The following MIGA2 variants were observed in gnomAD, a reference collection of about 807,000 sequenced individuals.
MIGA2 encodes mitoguardin 2.
In MIGA2, 36 loss-of-function variants were observed where a neutral mutation model predicts 69.9. That is an observed-to-expected ratio of 0.52 (90% CI 0.39 to 0.68). MIGA2 has a LOEUF of 0.68. Ranked by LOEUF, MIGA2 falls within the 30% of genes least tolerant of loss-of-function variation. The pLI is 0.00. For missense variants in MIGA2, 660 were observed against 787.7 expected, an observed-to-expected ratio of 0.84 and a Z score of 1.94; for synonymous variants, 333 against 349.2, an observed-to-expected ratio of 0.95 and a Z score of 0.52.
rs771485032 is a variant in MIGA2, at chr9:129,059,321, G to T, written c.793+50G>T. 1.2e-5 allele frequency: 17 copies of T among 1,419,228 alleles called. No individual in the cohort carries two copies. 87.9% of individuals were successfully genotyped at this position (1,419,228 alleles called of 1,614,324 possible). On this transcript the variant is annotated intron_variant, in intron 7 of 15. Coordinates refer to ENST00000684074, the MANE Select transcript of MIGA2 (RefSeq NM_001329990.2). The surrounding 1 kb of genome is among the most constrained non-coding windows in gnomAD (Gnocchi z 5.6). ...GGTGGGCGTGGAGGGTGGCAGGGAT[G>T]GAGGTGAGGAGAAGTTGCGAGAACC... is the stretch of plus-strand genomic sequence containing the variant.
intron 6 of MIGA2, among the ~76,000 whole-genome samples, chr9:129,054,374 C>G (rs990601842): frequency 2.6e-5 from 4 of 152,100 alleles, no homozygotes; most frequent in Admixed American, 2.6e-4. Flanking sequence ...AGTAGGATCC[C>G]TTGAGCCCAG....
chr9:129,047,603 G>T (rs1190001877), intron 3 of MIGA2, among the ~76,000 whole-genome samples: 1 of 151,588 alleles, frequency 6.6e-6, no homozygotes, highest in Non-Finnish European at 1.5e-5. Flanking sequence ...ATTATAGATG[G>T]GGTTTTACCT....
intron 9 of MIGA2, 23 bp from the exon 10 acceptor site, chr9:129,063,221 G>A (rs753877434): frequency 1.2e-6 from 2 of 1,613,688 alleles, no homozygotes; most frequent in Admixed American, 1.7e-5. Context: ...CAGGTTGTGT[G>A]ACGCCGTCTG....
chr9:129,039,175 TTGTGTGTGTGTGTGTGTGTGTGTGTGTG>T (rs61426484), intron 1 of MIGA2, among the ~76,000 whole-genome samples: 3 of 139,904 alleles, frequency 2.1e-5, no homozygotes, highest in African/African-American at 7.9e-5. Flanking sequence ...AGCTCTTTGT[TTGTGTGTGTGTGTGTGTGTGTGTGTGTG>T]TGTGTGTGTG....
At chr9:129,050,161 G>A (rs538740640) in intron 6 of MIGA2, among the ~76,000 whole-genome samples, 198 bp downstream of exon 6, 2 of 152,338 alleles carry the variant, frequency 1.3e-5, no homozygotes, top group Non-Finnish European at 2.9e-5. Context: ...AAAAACAGCC[G>A]TACTGAGACT....
In MIGA2 at chr9:129,048,497, T is replaced by G; in HGVS notation, c.378T>G (p.Ile126Met). The G allele has an allele frequency of 6.2e-7, 1 of 1,614,000 alleles. No individual in the cohort carries two copies. Among genetic ancestry groups the G allele is most frequent in the Non-Finnish European group, 8.5e-7 (1 of 1,179,920 alleles). The stretch of plus-strand genomic sequence containing the variant: ...ACACCCTGAGTGGCATCTCTTCCAT[T>G]GAGCCCAGCAAGCACTCGGGCTCCT... ...SNDTLSGISSIEPSKHSGSSH... is the reference protein window; with the variant it reads ...SNDTLSGISSMEPSKHSGSSH... The change falls in exon 4 of 16, where the codon ATT becomes ATG. Residue 126 changes from isoleucine (I) to methionine (M), a missense_variant. Around this residue, in one of 3 missense-constraint regions of MIGA2, gnomAD observed 386 missense variants for 402.0 expected, o/e 0.96. Coordinates refer to ENST00000684074, the MANE Select transcript of MIGA2 (RefSeq NM_001329990.2).
At position 129,068,389 on chromosome 9, in the gene MIGA2, C is replaced by T; in HGVS notation, c.1404+57C>T. On this transcript the variant is annotated intron_variant, in intron 13 of 15. Coordinates refer to ENST00000684074, the MANE Select transcript of MIGA2 (RefSeq NM_001329990.2). The surrounding 1 kb of genome is among the most constrained non-coding windows in gnomAD (Gnocchi z 4.1). ...TTGCTCACATCAGCCCGTGTGGTTGCCTGGCTCCGTCCCCTCTGTCCCTAG... is the reference window on the plus strand; with the variant it reads ...TTGCTCACATCAGCCCGTGTGGTTGTCTGGCTCCGTCCCCTCTGTCCCTAG... 6.3e-7 allele frequency: 1 copy of T among 1,592,268 alleles called. No homozygotes were observed. Among genetic ancestry groups the T allele is most frequent in the Non-Finnish European group, 8.5e-7 (1 of 1,176,508 alleles).
intron 11 of MIGA2, among the ~76,000 whole-genome samples, chr9:129,065,851 G>A (rs1472913016): frequency 2.6e-5 from 4 of 152,140 alleles, no homozygotes; most frequent in Non-Finnish European, 4.4e-5. Context: ...AGGCCCGAGA[G>A]AACCCTTGGG....
rs532296060 is a variant in MIGA2, at chr9:129,061,427, C to T, written c.1010+81C>T. On this transcript the variant is annotated intron_variant, in intron 9 of 15. Transcript: ENST00000684074. This position sits in a 1 kb window ranked among gnomAD's most constrained non-coding sequence, Gnocchi z 5.0. ...CCCTTGCGGGAGGCGGAGAAGCCAG[C>T]GGTGCTTGGCGAGGACTTAGCCTGA... The T allele has an allele frequency of 2.7e-4, 343 of 1,289,008 alleles. 1 individual carries two copies. The highest frequency in any genetic ancestry group is 3.5e-4 in the Non-Finnish European group (328 of 929,062). The allele number at this position is 1,289,008 out of a possible 1,614,324, so 79.8% of individuals were successfully genotyped here. A position where few individuals can be genotyped will look rare whatever the true frequency, so the allele number is the denominator to read the frequency against.
At position 129,063,647 on chromosome 9, in the gene MIGA2, G is replaced by A. The variant is rs767828586; in HGVS notation, c.1170+16G>A. On this transcript the variant is annotated intron_variant, in intron 11 of 15. Coordinates refer to ENST00000684074, the MANE Select transcript of MIGA2 (RefSeq NM_001329990.2). ...GGCTGAGAAGGTAGCAGGGGGTGGGGTGGGGGGGCAAATTATAAAATGCAA... is the reference window on the plus strand; with the variant it reads ...GGCTGAGAAGGTAGCAGGGGGTGGGATGGGGGGGCAAATTATAAAATGCAA... 1.9e-6 allele frequency: 3 copies of A among 1,539,310 alleles called. No individual in the cohort carries two copies. The highest frequency in any genetic ancestry group is 1.1e-5 in the South Asian group (1 of 89,436).
rs573770984 is a variant in MIGA2 at position 129,048,521 on chromosome 9, C to T, written c.402C>T (p.Ser134=). 2.6e-5 allele frequency: 42 copies of T among 1,613,966 alleles called. 2 individuals carry two copies. In the Middle Eastern group the frequency reaches 1.3e-3, roughly 51 times the overall value. Reference sequence around the variant, plus strand: ...TTGAGCCCAGCAAGCACTCGGGCTCCTCCCACAGTGTGGCCTCGGTGAGCA... The same window carrying T: ...TTGAGCCCAGCAAGCACTCGGGCTCTTCCCACAGTGTGGCCTCGGTGAGCA... ...SSIEPSKHSG[S]SHSVASMMAV... Residue 134 remains serine (S), a synonymous_variant, in exon 4 of 16, where the codon TCC becomes TCT. Coordinates refer to ENST00000684074, the MANE Select transcript of MIGA2 (RefSeq NM_001329990.2).
chr9:129,054,703 G>A (rs1003574557), intron 6 of MIGA2, among the ~76,000 whole-genome samples: 4 of 152,184 alleles, frequency 2.6e-5, no homozygotes, highest in African/African-American at 9.6e-5. Flanking sequence ...TTTTGTTTCT[G>A]TTGTATAGAT....
Position 129,067,856 on chromosome 9 carries a change from G to A in MIGA2, c.1254G>A (p.Glu418=), listed in dbSNP as rs769623185. 2.5e-6 allele frequency: 4 copies of A among 1,612,356 alleles called. No homozygotes were observed. The highest frequency in any genetic ancestry group is 3.4e-6 in the Non-Finnish European group (4 of 1,179,604). ...RPETWATTRL[E]LEGRGVVCMS... is the part of the protein sequence containing the mutation. ...AGACCTGGGCCACAACACGGCTGGA[G>A]CTGGAGGGCCGAGGGGTGAGTTGCT... The change falls in exon 12 of 16, where the codon GAG becomes GAA. Residue 418 remains glutamate, a synonymous_variant. Coordinates refer to ENST00000684074, the MANE Select transcript of MIGA2 (RefSeq NM_001329990.2).
rs1286865413 is a variant in MIGA2, at chr9:129,049,941, C to T, written c.653C>T (p.Thr218Ile). The change falls in exon 6 of 16, where the codon ACT becomes ATT. Residue 218 changes from threonine to isoleucine, a missense_variant. Coordinates refer to ENST00000684074, the MANE Select transcript of MIGA2 (RefSeq NM_001329990.2). ...MPRDGLRNPE[T>I]ASEPLSEPES... Reference sequence around the variant, plus strand: ...AGGGACGGCCTCCGGAACCCAGAGACTGCATCAGAGCCACTGTCTGAGGTA... The same window carrying T: ...AGGGACGGCCTCCGGAACCCAGAGATTGCATCAGAGCCACTGTCTGAGGTA... 6.2e-7 allele frequency: 1 copy of T among 1,613,508 alleles called. No homozygotes were observed.
At chr9:129,065,854 C>A (rs1007346825) in intron 11 of MIGA2, among the ~76,000 whole-genome samples, 4 of 152,276 alleles carry the variant, frequency 2.6e-5, no homozygotes, top group African/African-American at 9.6e-5. Flanking sequence ...CCCGAGAGAA[C>A]CCTTGGGCTC....
Position 129,042,323 on chromosome 9 carries a change from G to A in MIGA2, c.116G>A (p.Arg39Gln), listed in dbSNP as rs775568954. The change falls in exon 3 of 16, where the codon CGG becomes CAG. Residue 39 changes from arginine to glutamine, a missense_variant. Arg to Gln is a conservative substitution (Grantham distance 43). Transcript: ENST00000684074. Reference sequence around the variant, plus strand: ...CTGCAGTCTGCATTCTCCCAGCTACGGTTGACGCCAGGCCTGCGGAAAGTC... The same window carrying A: ...CTGCAGTCTGCATTCTCCCAGCTACAGTTGACGCCAGGCCTGCGGAAAGTC... ...TFGQSAFSQLRLTPGLRKVLF... is the reference protein window; with the variant it reads ...TFGQSAFSQLQLTPGLRKVLF... The A allele has an allele frequency of 7.4e-6, 12 of 1,612,300 alleles. No homozygotes were observed. In the African/African-American group the frequency reaches 8.0e-5, roughly 11 times the overall value.
Position 129,049,389 on chromosome 9 carries a change from A to C in MIGA2, c.429A>C (p.Ala143=). ...GSSHSVASMM[A]VNSSSPTAAC... The stretch of plus-strand genomic sequence containing the variant: ...CACTGATTGGCGCCCAGATGATGGC[A>C]GTGAACTCATCCAGCCCCACAGCCG... Residue 143 remains alanine (A), a synonymous_variant, in exon 5 of 16, where the codon GCA becomes GCC. Coordinates refer to ENST00000684074, the MANE Select transcript of MIGA2 (RefSeq NM_001329990.2). 6.2e-7 allele frequency: 1 copy of C among 1,613,382 alleles called. No homozygotes were observed.
At position 129,070,289 on chromosome 9, in the gene MIGA2, A is replaced by G. The variant is rs765474205; in HGVS notation, c.1618A>G (p.Asn540Asp). The part of the protein sequence containing the change: ...QYLRDMFDLD[N>D]VRYTSLPALA... ...CCTGAGGGACATGTTCGACCTGGACAATGTGCGCTACACGTCACTGCCCGC... is the reference window on the plus strand; with the variant it reads ...CCTGAGGGACATGTTCGACCTGGACGATGTGCGCTACACGTCACTGCCCGC... The change falls in exon 16 of 16, where the codon AAT (asparagine) becomes GAT (aspartate). Residue 540 changes from asparagine (N) to aspartate (D), a missense_variant. Around this residue, in one of 3 missense-constraint regions of MIGA2, gnomAD observed 220 missense variants for 301.7 expected, o/e 0.73. Coordinates refer to ENST00000684074, the MANE Select transcript of MIGA2 (RefSeq NM_001329990.2). 1 of 1,613,142 alleles carries G rather than the reference A, an allele frequency of 6.2e-7. No individual in the cohort carries two copies. Among genetic ancestry groups the G allele is most frequent in the South Asian group, 1.1e-5 (1 of 91,082 alleles).
At chr9:129,062,998 A>T (rs1446461051) in intron 9 of MIGA2, among the ~76,000 whole-genome samples, 1 of 152,238 alleles carries the variant, frequency 6.6e-6, no homozygotes, top group Non-Finnish European at 1.5e-5. Context: ...GGCCTCGGTC[A>T]TCTCTGTACC....
Sources: gnomAD v4.1 joint callset for allele counts (sites outside exome capture counted in the v4.1 genomes callset) on GRCh38, gnomAD v4.1.1 for gene constraint, gnomAD v4.1.1 regional missense constraint, Gnocchi (gnomAD v3.1) non-coding constraint, MANE v1.5 for transcripts, NCBI Gene and HGNC (gene_info 2026-07-23, HGNC 2026-07-21) for gene names.